PPFIA1: variants seen among roughly 807,000 people sequenced by gnomAD.
PPFIA1 encodes the protein liprin-alpha-1.
Under a neutral mutation model 149.9 loss-of-function variants are expected in PPFIA1, and 25 were observed. The observed-to-expected ratio is 0.17, with a 90% CI of 0.12 to 0.23. The LOEUF (loss-of-function observed/expected upper bound fraction) is 0.23, where lower values mean the gene tolerates loss of function less well. Among genes scored for constraint, PPFIA1 ranks in the 10% least tolerant of loss-of-function variants. The pLI is 1.00. For synonymous variants in PPFIA1, 549 were observed against 552.8 expected (o/e 0.99, Z 0.10); for missense variants, 1,362 against 1,506.5 (o/e 0.90, Z 1.59).
In PPFIA1 at chr11:70,326,794, A is replaced by G; in HGVS notation, c.906A>G (p.Thr302=). 6.2e-7 allele frequency: 1 copy of G among 1,614,088 alleles called. No homozygotes were observed. Among genetic ancestry groups the G allele is most frequent in the Non-Finnish European group, 8.5e-7 (1 of 1,179,946 alleles). The stretch of plus-strand genomic sequence containing the variant: ...TCATCAAATCTGAAGAAATGAACAC[A>G]AAATTGCAACGAGATGTCCGTGAAG... The part of the protein sequence containing the change: ...KDLIKSEEMN[T]KLQRDVREAM... The change falls in exon 7 of 28, where the codon ACA becomes ACG. Residue 302 remains threonine (T), a synonymous_variant. Transcript: ENST00000253925.
In PPFIA1 at chr11:70,348,394, G is replaced by A; in HGVS notation, c.2137G>A (p.Val713Met). 2 of 1,612,904 alleles carry A rather than the reference G, an allele frequency of 1.2e-6. No individual in the cohort carries two copies. Among genetic ancestry groups the A allele is most frequent in the Non-Finnish European group, 8.5e-7 (1 of 1,178,886 alleles). The change falls in exon 16 of 28, where the codon GTG becomes ATG. Residue 713 changes from valine (V) to methionine (M), a missense_variant. By Grantham distance (21) the Val-to-Met change is conservative. Coordinates refer to ENST00000253925, the MANE Select transcript of PPFIA1 (RefSeq NM_003626.5). ...GATCCCTCACAGCCCAGCTCGGGAAGTGGACAGACTGGGCGTCATGACCCT... is the reference window on the plus strand; with the variant it reads ...GATCCCTCACAGCCCAGCTCGGGAAATGGACAGACTGGGCGTCATGACCCT... The part of the protein sequence containing the change: ...RRIPHSPARE[V>M]DRLGVMTLLP...
At chr11:70,318,111 C>T (rs1029392079) in intron 2 of PPFIA1, among the ~76,000 whole-genome samples, 1 of 152,152 alleles carries the variant, frequency 6.6e-6, no homozygotes, top group African/African-American at 2.4e-5. Context: ...GCCCATTCAC[C>T]TCCACTGACC....
At chr11:70,274,356 A>T (rs531586452) in intron 2 of PPFIA1, among the ~76,000 whole-genome samples, 1 of 152,194 alleles carries the variant, frequency 6.6e-6, no homozygotes, top group South Asian at 2.1e-4. Flanking sequence ...AAGTTAACAC[A>T]CTTGCATACC....
At chr11:70,281,722 A>G (rs2050769575) in intron 2 of PPFIA1, among the ~76,000 whole-genome samples, 2 of 152,168 alleles carry the variant, frequency 1.3e-5, no homozygotes, top group African/African-American at 4.8e-5. Context: ...AAATGCACTG[A>G]CAGAAAGAGT....
At chr11:70,333,659 T>C in intron 10 of PPFIA1, 106 bp downstream of exon 10, 1 of 860,724 alleles carries the variant, frequency 1.2e-6, no homozygotes, top group South Asian at 1.4e-5. Context: ...ATGTTGGTCC[T>C]CCAGCTCAGT....
At chr11:70,279,903 GGA>G (rs2050644922) in intron 2 of PPFIA1, among the ~76,000 whole-genome samples, 2 of 99,966 alleles carry the variant, frequency 2.0e-5, no homozygotes, top group African/African-American at 1.4e-4. Context: ...TGTGTGTGGG[GGA>G]TGTGTGTGTG....
At chr11:70,337,504 T>A in intron 12 of PPFIA1, 77 bp downstream of exon 12, 1 of 1,148,562 alleles carries the variant, frequency 8.7e-7, no homozygotes, top group Non-Finnish European at 1.2e-6. Context: ...TGCAGATGTC[T>A]GACAGTGGAG....
At chr11:70,300,619 C>G (rs991361764) in intron 2 of PPFIA1, among the ~76,000 whole-genome samples, 1 of 151,692 alleles carries the variant, frequency 6.6e-6, no homozygotes, top group Admixed American at 6.6e-5. Context: ...TCTGCCAGCT[C>G]CCCTCCTGGT....
intron 2 of PPFIA1, among the ~76,000 whole-genome samples, chr11:70,277,002 ACTTTTTTTTTTTTG>A (rs1167536109): frequency 1.1e-5 from 1 of 91,520 alleles, no homozygotes; most frequent in African/African-American, 4.6e-5. Context: ...ATTAATTTCT[ACTTTTTTTTTTTTG>A]CTTTTTTTTT....
At chr11:70,332,387 A>T (rs898025740) in intron 9 of PPFIA1, among the ~76,000 whole-genome samples, 1 of 152,178 alleles carries the variant, frequency 6.6e-6, no homozygotes, top group African/African-American at 2.4e-5. Flanking sequence ...TAAGCATAGG[A>T]TAGAAGTCTC....
intron 11 of PPFIA1, among the ~76,000 whole-genome samples, chr11:70,336,056 G>A (rs573507941): frequency 1.3e-5 from 2 of 152,166 alleles, no homozygotes; most frequent in Non-Finnish European, 2.9e-5. Flanking sequence ...CATAAATAAC[G>A]TGTAAATGAA....
At chr11:70,295,585 G>A (rs1292143840) in intron 2 of PPFIA1, among the ~76,000 whole-genome samples, 2 of 143,948 alleles carry the variant, frequency 1.4e-5, no homozygotes, top group Non-Finnish European at 3.1e-5. Context: ...CCTCCCGGAT[G>A]GAGCGGCTGG....
At chr11:70,362,023 A>G in intron 19 of PPFIA1, 72 bp from the exon 20 acceptor site, 1 of 1,412,882 alleles carries the variant, frequency 7.1e-7, no homozygotes, top group Non-Finnish European at 1.0e-6. Context: ...GGCCTCCCAG[A>G]GAGCTGGGAT....
chr11:70,345,021 G>A (rs1049642663), intron 15 of PPFIA1, among the ~76,000 whole-genome samples: 1 of 151,306 alleles, frequency 6.6e-6, no homozygotes, highest in Admixed American at 6.6e-5. Context: ...ACTGGCCACC[G>A]GGGCTGCTCT....
chr11:70,295,393 TCTCC>T (rs2051867383), intron 2 of PPFIA1, among the ~76,000 whole-genome samples: 1 of 87,610 alleles, frequency 1.1e-5, no homozygotes, highest in South Asian at 4.6e-4. Context: ...GACCCCCCCA[TCTCC>T]CTCCCGGATG....
intron 25 of PPFIA1, among the ~76,000 whole-genome samples, chr11:70,377,436 A>C (rs1451657488): frequency 6.7e-6 from 1 of 149,522 alleles, no homozygotes; most frequent in Non-Finnish European, 1.5e-5. Context: ...AGAGAATAGA[A>C]GACCACCTCT....
intron 2 of PPFIA1, among the ~76,000 whole-genome samples, chr11:70,322,020 C>G (rs1028493794): frequency 6.6e-6 from 1 of 152,086 alleles, no homozygotes; most frequent in African/African-American, 2.4e-5. Flanking sequence ...CAGGCATGCA[C>G]CACCATGCAC....
At chr11:70,374,112 G>A (rs1455986766) in intron 23 of PPFIA1, 1 of 152,214 alleles carries the variant, frequency 6.6e-6, no homozygotes, top group East Asian at 1.9e-4. Flanking sequence ...GGTAGCTCAT[G>A]CCTGTAATCT....
chr11:70,315,676 C>CTTTTTTTTTTTTT (rs2053566867), intron 2 of PPFIA1, among the ~76,000 whole-genome samples: 1 of 56,062 alleles, frequency 1.8e-5, no homozygotes, highest in Non-Finnish European at 3.7e-5. Context: ...TTCTTTTTTT[C>CTTTTTTTTTTTTT]TGTTTTTTTT....
Sources: allele counts gnomAD v4.1 joint callset (sites outside exome capture counted in the v4.1 genomes callset), GRCh38; gene constraint gnomAD v4.1.1; transcripts MANE v1.5; gene names NCBI Gene and HGNC (gene_info 2026-07-23, HGNC 2026-07-21).